MGAM: variants seen among roughly 807,000 people sequenced by gnomAD.
MGAM encodes the protein alpha-1,4-glucosidase.
MGAM carries 253 observed loss-of-function variants against 358.8 expected under a neutral mutation model. That is an observed-to-expected ratio of 0.71 (90% confidence interval 0.64 to 0.78). The LOEUF (loss-of-function observed/expected upper bound fraction) is 0.78. Among genes scored for constraint, MGAM ranks in the 30% least tolerant of loss-of-function variants. The probability of loss-of-function intolerance (pLI) is 0.00; values close to 1 mark genes in which losing one functional copy is unlikely to be tolerated. For missense variants in MGAM, 3,080 were observed against 3,432.6 expected (o/e 0.90, Z 2.57); for synonymous variants, 1,105 against 1,227.1 (o/e 0.90, Z 2.08).
chr7:142,028,313 C>T (rs1807156915), intron 10 of MGAM, among the ~76,000 whole-genome samples: 1 of 152,166 alleles, frequency 6.6e-6, no homozygotes, highest in African/African-American at 2.4e-5. Flanking sequence ...GATCCCCAGG[C>T]TCCCTACCTA....
chr7:141,986,543 T>C lies in MGAM; in HGVS notation c.-2-18986T>C, dbSNP rs142745526. Among the ~76,000 whole-genome samples, 738 of 151,702 alleles carry C rather than the reference T, an allele frequency of 4.9e-3. 17 individuals carry two copies. Among genetic ancestry groups the C allele is most frequent in the East Asian group, 0.022 (112 of 5,178 alleles). ...AGAGACCGTACATGGCTGTAAGACA[T>C]TGTTTGTGAATTTAAGACATTTCCT... On this transcript the variant is annotated intron_variant, in intron 2 of 5. Transcript: ENST00000465654.
chr7:142,003,158 G>C (rs555536278), intron 1 of MGAM, among the ~76,000 whole-genome samples: 5 of 152,116 alleles, frequency 3.3e-5, no homozygotes, highest in African/African-American at 1.2e-4. Context: ...GCAATCTACA[G>C]ATTCAGTGCA....
chr7:142,022,954 G>A (rs1806601278), intron 7 of MGAM, among the ~76,000 whole-genome samples: 1 of 152,072 alleles, frequency 6.6e-6, no homozygotes, highest in South Asian at 2.1e-4. Flanking sequence ...GAGTTTTGTT[G>A]TTATTGTTTT....
At chr7:141,995,656 G>A (rs1787621763), upstream of MGAM, among the ~76,000 whole-genome samples, 1 of 152,152 alleles carries the variant, frequency 6.6e-6, no homozygotes, top group Non-Finnish European at 1.5e-5. Context: ...TTCAGTGCCT[G>A]GAGGGGATGG....
chr7:142,040,564 ATTC>A, intron 20 of MGAM, 155 bp from the exon 21 acceptor site: 1 of 949,576 alleles, frequency 1.1e-6, no homozygotes, highest in South Asian at 1.6e-5. Flanking sequence ...AGAACATGTT[ATTC>A]TTGATTTTTT....
At position 142,093,512 on chromosome 7, in the gene MGAM, C is replaced by T; in HGVS notation, c.7134C>T (p.His2378=). The change falls in exon 60 of 71, where the codon CAC becomes CAT. Residue 2378 remains histidine (H), a synonymous_variant. Transcript: ENST00000475668. ...DGSPVQHYNV[H]NLYGWSQTRP... The stretch of plus-strand genomic sequence containing the variant: ...CCCCGGTGCAGCACTACAATGTGCA[C>T]AACCTGTACGGGTGGTCCCAGACCA... 6.6e-7 allele frequency: 1 copy of T among 1,507,552 alleles called. No homozygotes were observed. The highest frequency in any genetic ancestry group is 1.4e-5 in the African/African-American group (1 of 73,412). The allele number at this position is 1,507,552 out of a possible 1,614,324, so 93.4% of individuals were successfully genotyped here.
rs1808233258 is a variant in MGAM at position 142,038,653 on chromosome 7, A to G, written c.2316+38A>G. 8.4e-6 allele frequency: 12 copies of G among 1,429,340 alleles called. No homozygotes were observed. In the South Asian group the frequency reaches 1.5e-4, roughly 18 times the overall value. 88.5% of individuals were successfully genotyped at this position (1,429,340 alleles called of 1,614,324 possible). On this transcript the variant is annotated intron_variant, in intron 19 of 70. Transcript: ENST00000475668. ...ACAGAGATACACTAGAGATCTCTGCATCTGTATCTGCTGCCCTGCAAACTC... is the reference window on the plus strand; with the variant it reads ...ACAGAGATACACTAGAGATCTCTGCGTCTGTATCTGCTGCCCTGCAAACTC...
At chr7:142,025,234 CT>C in intron 8 of MGAM, 85 bp downstream of exon 8, 2 of 1,043,150 alleles carry the variant, frequency 1.9e-6, no homozygotes, top group Non-Finnish European at 1.5e-6. Context: ...GAATGGATCC[CT>C]TTAAGAGTGA....
chr7:142,023,692 T>C (rs1022946407), intron 7 of MGAM, among the ~76,000 whole-genome samples: 3 of 148,512 alleles, frequency 2.0e-5, no homozygotes, highest in Non-Finnish European at 4.5e-5. Flanking sequence ...AAAAAAGAGG[T>C]TGTAAGAACA....
chr7:142,023,688 G>A (rs1014616068), intron 7 of MGAM, among the ~76,000 whole-genome samples: 2 of 150,720 alleles, frequency 1.3e-5, no homozygotes, highest in Admixed American at 6.6e-5. Flanking sequence ...CAAAAAAAAA[G>A]AGGTTGTAAG....
At chr7:142,062,764 A>G in intron 35 of MGAM, 62 bp downstream of exon 35, 1 of 1,599,024 alleles carries the variant, frequency 6.3e-7, no homozygotes, top group Non-Finnish European at 8.5e-7. Context: ...GCCTAAGTAT[A>G]TGTACCACTG....
At position 142,059,985 on chromosome 7, in the gene MGAM, A is replaced by T. The variant is rs753299599; in HGVS notation, c.4059+19A>T. The T allele has an allele frequency of 2.5e-5, 40 of 1,581,768 alleles. No individual in the cohort carries two copies. In the African/African-American group the frequency reaches 4.7e-4, roughly 19 times the overall value. ...GGGAAAGGTATAATCCTAAGCGATG[A>T]TCCACTAGTCCCCAGCCTGAGGGTG... On this transcript the variant is annotated intron_variant, in intron 33 of 70. Transcript: ENST00000475668.
In MGAM at chr7:142,084,543, C is replaced by A; in HGVS notation, c.6406C>A (p.Pro2136Thr). 1 of 1,555,948 alleles carries A rather than the reference C, an allele frequency of 6.4e-7. No individual in the cohort carries two copies. Among genetic ancestry groups the A allele is most frequent in the South Asian group, 1.1e-5 (1 of 89,192 alleles). Reference protein sequence around the residue: ...TELIGRPVMVPYWSLGFQLCR... With the variant: ...TELIGRPVMVTYWSLGFQLCR... ...GTTGATTGGCCGGCCTGTGATGGTA[C>A]CTTACTGGTCTTTGGGGTTCCAGCT... Residue 2136 changes from proline to threonine, a missense_variant, in exon 54 of 71, where the codon CCT becomes ACT. Coordinates refer to ENST00000475668, the MANE Select transcript of MGAM (RefSeq NM_001365693.1).
intron 2 of MGAM, among the ~76,000 whole-genome samples, chr7:141,987,480 T>C (rs1803765729): frequency 6.6e-6 from 1 of 152,172 alleles, no homozygotes; most frequent in Admixed American, 6.5e-5. Flanking sequence ...GGCGAATCCA[T>C]CTGGACGAAG....
At chr7:142,000,711 C>T (rs907211489) in intron 1 of MGAM, among the ~76,000 whole-genome samples, 1 of 151,862 alleles carries the variant, frequency 6.6e-6, no homozygotes, top group Admixed American at 6.6e-5. Context: ...TGATGAAAAA[C>T]CTTTATTTGT....
At position 142,086,264 on chromosome 7, in the gene MGAM, C is replaced by G; in HGVS notation, c.6683C>G (p.Thr2228Ser). The change falls in exon 56 of 71, where the codon ACT (threonine) becomes AGT (serine). Residue 2228 changes from threonine (T) to serine (S), a missense_variant. By Grantham distance (58) the Thr-to-Ser change is moderately conservative. Transcript: ENST00000475668. ...GNETQPYPAF[T>S]RGVEDDVFIK... Reference sequence around the variant, plus strand: ...GAGACACAGCCCTATCCTGCCTTCACTCGGGGCGTGGAGGATGACGTCTTC... The same window carrying G: ...GAGACACAGCCCTATCCTGCCTTCAGTCGGGGCGTGGAGGATGACGTCTTC... 6.5e-7 allele frequency: 1 copy of G among 1,544,852 alleles called. No homozygotes were observed. The highest frequency in any genetic ancestry group is 8.9e-7 in the Non-Finnish European group (1 of 1,126,326).
chr7:141,998,202 A>T (rs933688402), intron 1 of MGAM, among the ~76,000 whole-genome samples: 12 of 152,198 alleles, frequency 7.9e-5, no homozygotes, highest in African/African-American at 2.9e-4. Context: ...AGAAGAAAAA[A>T]ATTCTATTGC....
chr7:142,033,520 GATA>G (rs1239694333), intron 14 of MGAM, among the ~76,000 whole-genome samples: 2 of 152,154 alleles, frequency 1.3e-5, no homozygotes, highest in Non-Finnish European at 2.9e-5. Context: ...CTGCTAAGAT[GATA>G]ATAACTTATG....
At position 142,041,987 on chromosome 7, in the gene MGAM, A is replaced by ATG. The variant is rs1491126928; in HGVS notation, c.2498+1141_2498+1142insTG. On this transcript the variant is annotated intron_variant, in intron 21 of 70. Coordinates refer to ENST00000475668, the MANE Select transcript of MGAM (RefSeq NM_001365693.1). ...TATATATATTATATATATATAATAT[A>ATG]ATATATATATATTATATATATAATA... Among the ~76,000 whole-genome samples the ATG allele has an allele frequency of 4.1e-4, 8 of 19,676 alleles. No homozygotes were observed. The Admixed American group carries it at 5.0e-3, about 12-fold the overall frequency. The allele number at this position is 19,676 out of a possible 152,430, so 12.9% of individuals were successfully genotyped here. A position where few individuals can be genotyped will look rare whatever the true frequency, so the allele number is the denominator to read the frequency against.
Sources: gnomAD v4.1 joint callset for allele counts (sites outside exome capture counted in the v4.1 genomes callset) on GRCh38, gnomAD v4.1.1 for gene constraint, MANE v1.5 for transcripts, NCBI Gene and HGNC (gene_info 2026-07-23, HGNC 2026-07-21) for gene names.